The following FBLN7 variants were observed in gnomAD, a reference collection of about 807,000 sequenced individuals.
FBLN7 encodes fibulin-7.
A neutral mutation model predicts 44.0 loss-of-function variants in FBLN7; 31 were observed. The ratio of observed to expected loss-of-function variants is 0.70; its 90% CI spans 0.53 to 0.95. FBLN7 has a LOEUF of 0.95. Among genes scored for constraint, FBLN7 ranks in the 40% least tolerant of loss-of-function variants. The pLI, the probability that FBLN7 is intolerant of heterozygous loss-of-function variation, is 0.00. For synonymous variants in FBLN7, 262 were observed against 253.4 expected (o/e 1.03, Z -0.32); for missense variants, 573 against 618.5 (o/e 0.93, Z 0.78).
intron 1 of FBLN7, among the ~76,000 whole-genome samples, chr2:112,142,683 C>G (rs1360514714): frequency 2.6e-5 from 4 of 152,144 alleles, no homozygotes; most frequent in Non-Finnish European, 4.4e-5. Flanking sequence ...ACAACCCTGT[C>G]TGGGGTTCCC....
chr2:112,145,732 T>C (rs954752979), intron 1 of FBLN7, among the ~76,000 whole-genome samples: 1 of 152,240 alleles, frequency 6.6e-6, no homozygotes, highest in Non-Finnish European at 1.5e-5. Flanking sequence ...GTGAGATTCA[T>C]CTTGAGGGCC....
intron 2 of FBLN7, 118 bp downstream of exon 2, chr2:112,159,953 T>C: frequency 1.4e-6 from 1 of 738,318 alleles, no homozygotes; most frequent in East Asian, 3.4e-5. Context: ...ACCTTCCATC[T>C]TCCAACTGTG....
the FBLN7 span, among the ~76,000 whole-genome samples, chr2:112,219,658 TTTTAA>T: frequency 6.6e-6 from 1 of 152,130 alleles, no homozygotes; most frequent in Non-Finnish European, 1.5e-5. Context: ...TGATTTTTTT[TTTTAA>T]TTTGCTGAGG....
chr2:112,185,961 T>C lies in FBLN7; in HGVS notation c.947+622T>C, dbSNP rs530645644. 2.0e-5 allele frequency among the ~76,000 whole-genome samples: 3 copies of C among 151,604 alleles called. No homozygotes were observed. In the East Asian group the frequency reaches 5.8e-4, roughly 29 times the overall value. ...CATACATTTTCCTCTCAAAAAGAGA[T>C]CACAAGAGCCCTAGCGTTGTCTTTA... On this transcript the variant is annotated intron_variant, in intron 7 of 7. Transcript: ENST00000331203.
At chr2:112,210,012 G>T in the FBLN7 span, among the ~76,000 whole-genome samples, 2 of 151,726 alleles carry the variant, frequency 1.3e-5, no homozygotes, top group Non-Finnish European at 2.9e-5. Context: ...CCCAGCACGG[G>T]GTGTCTGAGC....
intron 1 of FBLN7, among the ~76,000 whole-genome samples, chr2:112,155,015 C>G (rs1483185631): frequency 6.6e-6 from 1 of 152,224 alleles, no homozygotes; most frequent in Non-Finnish European, 1.5e-5. Flanking sequence ...TAACCCAAGA[C>G]TTGAAACCCA....
the FBLN7 span, among the ~76,000 whole-genome samples, chr2:112,225,555 G>A: frequency 6.6e-6 from 1 of 152,228 alleles, no homozygotes; most frequent in Non-Finnish European, 1.5e-5. Flanking sequence ...AGTGGCTCAT[G>A]CCTGTAATCC....
chr2:112,183,104 A>G (rs1424945396), intron 6 of FBLN7, among the ~76,000 whole-genome samples, 176 bp downstream of exon 6: 1 of 152,264 alleles, frequency 6.6e-6, no homozygotes, highest in Non-Finnish European at 1.5e-5. Flanking sequence ...TATCATCTAC[A>G]TAAATAGGAA....
rs182135949 is a variant in FBLN7 at position 112,187,649 on chromosome 2, C to T, written c.*143C>T. 4,455 of 1,129,072 alleles carry T rather than the reference C, an allele frequency of 3.9e-3. 44 individuals carry two copies. The highest frequency in any genetic ancestry group is 2.7e-3 in the South Asian group (179 of 67,430). 69.9% of individuals were successfully genotyped at this position (1,129,072 alleles called of 1,614,324 possible). On this transcript the variant is annotated 3_prime_UTR_variant, in exon 8 of 8. Transcript: ENST00000331203. The surrounding 1 kb of genome is among the most constrained non-coding windows in gnomAD (Gnocchi z 5.1). Reference sequence around the variant, plus strand: ...CCCAGGCTTCTAGGGCAGCGTTGCACGGCGCCCCATGGAATAGCACGGAAG... The same window carrying T: ...CCCAGGCTTCTAGGGCAGCGTTGCATGGCGCCCCATGGAATAGCACGGAAG...
At chr2:112,232,036 C>T in the FBLN7 span, 5 of 745,218 alleles carry the variant, frequency 6.7e-6, no homozygotes, top group Non-Finnish European at 9.9e-6. Context: ...AAATAAAGAC[C>T]TCTGTGGCCG....
chr2:112,216,048 C>T, the FBLN7 span: 1 of 152,130 alleles, frequency 6.6e-6, no homozygotes, highest in Non-Finnish European at 1.5e-5. Context: ...ATAAAGAGAA[C>T]TAACTCTGTT....
At chr2:112,232,062 G>T in the FBLN7 span, 1 of 511,308 alleles carries the variant, frequency 2.0e-6, no homozygotes, top group Non-Finnish European at 3.3e-6. Context: ...GGTGGCTCAT[G>T]CCTGTAGGAG....
At chr2:112,233,117 C>T in the FBLN7 span, 1 of 545,730 alleles carries the variant, frequency 1.8e-6, no homozygotes, top group Non-Finnish European at 3.2e-6. Flanking sequence ...AATCCACGTA[C>T]AATTTAATCA....
chr2:112,236,765 G>A, the FBLN7 span: 2 of 1,388,176 alleles, frequency 1.4e-6, no homozygotes, highest in East Asian at 2.5e-5. Flanking sequence ...AGAAGTACGG[G>A]GCCAGGTGCA....
chr2:112,186,755 G>A (rs1239920561), intron 7 of FBLN7, among the ~76,000 whole-genome samples: 1 of 152,206 alleles, frequency 6.6e-6, no homozygotes, highest in Non-Finnish European at 1.5e-5. Flanking sequence ...CCATTACTGG[G>A]CGAGGTCGCA....
In FBLN7 at chr2:112,187,949, T is replaced by C. The variant is rs1335151112; in HGVS notation, c.*443T>C. 9.7e-6 allele frequency: 2 copies of C among 206,320 alleles called. No individual in the cohort carries two copies. Among genetic ancestry groups the C allele is most frequent in the Non-Finnish European group, 1.9e-5 (2 of 102,834 alleles). The allele number at this position is 206,320 out of a possible 1,614,324, so 12.8% of individuals were successfully genotyped here. A position where few individuals can be genotyped will look rare whatever the true frequency, so the allele number is the denominator to read the frequency against. On this transcript the variant is annotated 3_prime_UTR_variant, in exon 8 of 8. Coordinates refer to ENST00000331203, the MANE Select transcript of FBLN7 (RefSeq NM_153214.3). The surrounding 1 kb of genome is among the most constrained non-coding windows in gnomAD (Gnocchi z 5.1). ...TCGTGCGGGGGGCCCTAGTCATGCC[T>C]CTGCGCATGTGGCATAGGAAGTGGA... is the stretch of plus-strand genomic sequence containing the variant.
At chr2:112,220,996 G>A in the FBLN7 span, among the ~76,000 whole-genome samples, 1 of 152,110 alleles carries the variant, frequency 6.6e-6, no homozygotes, top group Non-Finnish European at 1.5e-5. Context: ...TTGAATGTTG[G>A]CCTCTCTAAC....
chr2:112,166,232 G>C (rs1682151203), intron 3 of FBLN7, among the ~76,000 whole-genome samples: 1 of 152,176 alleles, frequency 6.6e-6, no homozygotes, highest in East Asian at 1.9e-4. Context: ...CGTATGTTTA[G>C]TAGAAAAGGG....
chr2:112,198,177 G>C, the FBLN7 span, among the ~76,000 whole-genome samples: 2 of 152,076 alleles, frequency 1.3e-5, no homozygotes, highest in Non-Finnish European at 2.9e-5. Flanking sequence ...CAGCTGATTC[G>C]GCTCTTACCC....
Sources: allele counts gnomAD v4.1 joint callset (sites outside exome capture counted in the v4.1 genomes callset), GRCh38; gene constraint gnomAD v4.1.1; non-coding constraint Gnocchi (gnomAD v3.1); transcripts MANE v1.5; gene names NCBI Gene and HGNC (gene_info 2026-07-23, HGNC 2026-07-21).